The following FSHR variants were observed in gnomAD, a reference collection of about 807,000 sequenced individuals.
The protein encoded by FSHR is follicle stimulating hormone receptor.
FSHR carries 46 observed loss-of-function variants against 52.1 expected under a neutral mutation model. The ratio of observed to expected loss-of-function variants is 0.88; its 90% CI spans 0.70 to 1.13. FSHR has a LOEUF of 1.13. Ranked by LOEUF, FSHR falls within the 50% of genes most tolerant of loss-of-function variation. The probability of loss-of-function intolerance (pLI) is 0.00; values close to 1 mark genes in which losing one functional copy is unlikely to be tolerated. For missense variants in FSHR, 964 were observed against 834.6 expected, an observed-to-expected ratio of 1.16 and a Z score of -1.91; for synonymous variants, 399 against 309.6, an observed-to-expected ratio of 1.29 and a Z score of -3.03.
chr2:49,028,140 A>T (rs1558399163), intron 2 of FSHR, among the ~76,000 whole-genome samples: 1 of 152,248 alleles, frequency 6.6e-6, no homozygotes, highest in Non-Finnish European at 1.5e-5. Context: ...CCTTTGACAT[A>T]CAAGGGACAG....
At chr2:49,047,101 G>A (rs535623671) in intron 2 of FSHR, among the ~76,000 whole-genome samples, 1 of 152,262 alleles carries the variant, frequency 6.6e-6, no homozygotes, top group South Asian at 2.1e-4. Context: ...CTTAAAATTA[G>A]AATGGAACTT....
chr2:49,128,802 A>C (rs1318618627), intron 1 of FSHR, among the ~76,000 whole-genome samples: 1 of 151,954 alleles, frequency 6.6e-6, no homozygotes, highest in African/African-American at 2.4e-5. Flanking sequence ...CTCTGGAAAA[A>C]CTCGGACATG....
intron 1 of FSHR, among the ~76,000 whole-genome samples, chr2:49,069,254 C>T (rs779847228): frequency 3.3e-5 from 5 of 152,100 alleles, no homozygotes; most frequent in African/African-American, 1.2e-4. Flanking sequence ...TCTAAAAATT[C>T]CTCGGACAAG....
At chr2:49,046,042 A>G (rs918750065) in intron 2 of FSHR, among the ~76,000 whole-genome samples, 14 of 152,160 alleles carry the variant, frequency 9.2e-5, no homozygotes, top group Non-Finnish European at 1.9e-4. Context: ...ATGACTTCTT[A>G]GATGTTGATC....
At chr2:49,149,156 TGAG>T (rs924999365) in intron 1 of FSHR, among the ~76,000 whole-genome samples, 9 of 151,998 alleles carry the variant, frequency 5.9e-5, no homozygotes, top group Non-Finnish European at 1.2e-4. Context: ...ACCTATATGA[TGAG>T]GAGAAGTAAA....
At chr2:49,114,211 C>T (rs1001134288) in intron 1 of FSHR, among the ~76,000 whole-genome samples, 1 of 152,164 alleles carries the variant, frequency 6.6e-6, no homozygotes, top group Non-Finnish European at 1.5e-5. Flanking sequence ...GTACAATCAC[C>T]TGCACTTAGG....
intron 1 of FSHR, among the ~76,000 whole-genome samples, chr2:49,115,456 G>A (rs971605198): frequency 5.3e-5 from 8 of 152,024 alleles, no homozygotes; most frequent in East Asian, 1.9e-4. Context: ...GTGTAATCTC[G>A]TAAACCAATA....
At chr2:49,041,009 A>G (rs922685663) in intron 2 of FSHR, among the ~76,000 whole-genome samples, 4 of 152,238 alleles carry the variant, frequency 2.6e-5, no homozygotes, top group African/African-American at 7.2e-5. Context: ...TGATACTATT[A>G]CCTGAGCTAA....
At chr2:48,976,048 A>G (rs1212107028) in intron 8 of FSHR, among the ~76,000 whole-genome samples, 2 of 152,202 alleles carry the variant, frequency 1.3e-5, no homozygotes, top group East Asian at 1.9e-4. Flanking sequence ...GAGAGAGGGC[A>G]TCTTTGTCTT....
intron 1 of FSHR, among the ~76,000 whole-genome samples, chr2:49,091,358 C>T (rs1369516963): frequency 6.6e-6 from 1 of 152,120 alleles, no homozygotes; most frequent in Non-Finnish European, 1.5e-5. Flanking sequence ...GGCTGGAGTG[C>T]AGTAGCATCA....
At position 49,098,489 on chromosome 2, in the gene FSHR, A is replaced by G. The variant is rs1370580145; in HGVS notation, c.153-30199T>C. On this transcript the variant is annotated intron_variant, in intron 1 of 9. Coordinates refer to ENST00000406846, the MANE Select transcript of FSHR (RefSeq NM_000145.4). ...TTGACCATGTGAAAGGGAGGAATGA[A>G]AAAAGACATTTAAAGTTAAGGGAAC... 2.0e-5 allele frequency among the ~76,000 whole-genome samples: 3 copies of G among 151,876 alleles called. No individual in the cohort carries two copies. In the East Asian group the frequency reaches 5.8e-4, roughly 29 times the overall value.
At chr2:49,112,343 C>T (rs530671306) in intron 1 of FSHR, among the ~76,000 whole-genome samples, 5 of 151,868 alleles carry the variant, frequency 3.3e-5, no homozygotes, top group East Asian at 1.9e-4. Context: ...CAATAGAACA[C>T]GGAAATATTT....
chr2:49,023,424 A>G (rs1010061428), intron 2 of FSHR, among the ~76,000 whole-genome samples: 7 of 152,308 alleles, frequency 4.6e-5, no homozygotes, highest in Middle Eastern at 3.4e-3. Context: ...CACTAAACTG[A>G]AGGAGATGAA....
intron 6 of FSHR, among the ~76,000 whole-genome samples, 160 bp downstream of exon 6, chr2:48,988,817 C>T (rs1675633442): frequency 6.6e-6 from 1 of 152,144 alleles, no homozygotes; most frequent in South Asian, 2.1e-4. Context: ...CATTGTGATT[C>T]TGAAATGTAA....
chr2:49,088,705 G>A (rs974474052), intron 1 of FSHR, among the ~76,000 whole-genome samples: 1 of 152,148 alleles, frequency 6.6e-6, no homozygotes, highest in Admixed American at 6.5e-5. Flanking sequence ...GTCACATAAA[G>A]GTTGGTTTGG....
chr2:49,113,758 C>A (rs1671506866), intron 1 of FSHR, among the ~76,000 whole-genome samples: 1 of 152,068 alleles, frequency 6.6e-6, no homozygotes, highest in Non-Finnish European at 1.5e-5. Context: ...TTAAACTGTG[C>A]CAAAAAGGAC....
intron 5 of FSHR, among the ~76,000 whole-genome samples, chr2:48,989,273 CTTT>C (rs70946840): frequency 0.011 from 1,287 of 120,760 alleles, 30 homozygotes; most frequent in African/African-American, 0.044. Flanking sequence ...CATTCAGTGT[CTTT>C]TTTTTTTTTT....
At chr2:49,113,510 C>G (rs1319685061) in intron 1 of FSHR, among the ~76,000 whole-genome samples, 1 of 152,204 alleles carries the variant, frequency 6.6e-6, no homozygotes, top group Non-Finnish European at 1.5e-5. Context: ...CTAAGGTTAG[C>G]TCAGCAGGTT....
At chr2:49,045,747 C>T (rs938812823) in intron 2 of FSHR, among the ~76,000 whole-genome samples, 6 of 152,228 alleles carry the variant, frequency 3.9e-5, no homozygotes, top group South Asian at 2.1e-4. Context: ...GACATCCATC[C>T]GCTTCTAAAA....
Sources: gnomAD v4.1 joint callset for allele counts (sites outside exome capture counted in the v4.1 genomes callset) on GRCh38, gnomAD v4.1.1 for gene constraint, MANE v1.5 for transcripts, NCBI Gene and HGNC (gene_info 2026-07-23, HGNC 2026-07-21) for gene names.